Variants in CDRT4 observed in about 807,000 individuals in gnomAD.
The protein encoded by CDRT4 is CMT1A duplicated region transcript 4.
For synonymous variants in CDRT4, 64 were observed against 69.6 expected, an observed-to-expected ratio of 0.92 and a Z score of 0.40; for missense variants, 167 against 193.1, an observed-to-expected ratio of 0.87 and a Z score of 0.80.
At chr17:15,453,449 T>C (rs897019343) in intron 1 of CDRT4, among the ~76,000 whole-genome samples, 6 of 152,098 alleles carry the variant, frequency 3.9e-5, no homozygotes, top group Non-Finnish European at 8.8e-5. Context: ...CAAAAAGGGT[T>C]TTAATGTGTC....
At chr17:15,457,462 G>A (rs542251318) in intron 1 of CDRT4, among the ~76,000 whole-genome samples, 2 of 152,334 alleles carry the variant, frequency 1.3e-5, no homozygotes, top group African/African-American at 4.8e-5. Flanking sequence ...CAGAGCGGGC[G>A]CTAAACAGCC....
At chr17:15,460,866 C>T (rs1979715457) in intron 1 of CDRT4, among the ~76,000 whole-genome samples, 3 of 151,958 alleles carry the variant, frequency 2.0e-5, no homozygotes, top group Non-Finnish European at 4.4e-5. Flanking sequence ...TTCTGTCTCT[C>T]TCCCTCCCTC....
intron 1 of CDRT4, among the ~76,000 whole-genome samples, chr17:15,454,258 C>G (rs1979386916): frequency 6.6e-6 from 1 of 152,124 alleles, no homozygotes; most frequent in Non-Finnish European, 1.5e-5. Flanking sequence ...ATCTGCTCAC[C>G]AAAAGGCACT....
intron 2 of CDRT4, among the ~76,000 whole-genome samples, chr17:15,445,232 G>C (rs546707041): frequency 6.6e-6 from 1 of 152,300 alleles, no homozygotes; most frequent in Admixed American, 6.5e-5. Context: ...TCCTCAAGAT[G>C]TTAATAGGTA....
rs758635780 is a variant in CDRT4 at position 15,437,860 on chromosome 17, A to T, written c.372T>A (p.Asp124Glu). 3 of 1,614,186 alleles carry T rather than the reference A, an allele frequency of 1.9e-6. No individual in the cohort carries two copies. The East Asian group carries it at 6.7e-5, about 36-fold the overall frequency. ...MIPEPTHLHADSRDCPTENYN... is the reference protein window; with the variant it reads ...MIPEPTHLHAESRDCPTENYN... ...AGTTTTCAGTTGGACAGTCTCTGGA[A>T]TCCGCATGTAAGTGTGTGGGTTCTG... Residue 124 changes from aspartate to glutamate, a missense_variant, in exon 4 of 4, where the codon GAT (aspartate) becomes GAA (glutamate). Transcript: ENST00000619038.
chr17:15,446,940 C>T (rs560074147), intron 2 of CDRT4, among the ~76,000 whole-genome samples: 22 of 152,204 alleles, frequency 1.4e-4, no homozygotes, highest in South Asian at 2.1e-4. Context: ...TTCATGCACA[C>T]ATGCACACAT....
chr17:15,445,820 C>G (rs1978998774), intron 2 of CDRT4, among the ~76,000 whole-genome samples: 1 of 152,188 alleles, frequency 6.6e-6, no homozygotes, highest in African/African-American at 2.4e-5. Flanking sequence ...TTTTGTTTGT[C>G]TCACCTCCCA....
In CDRT4 at chr17:15,464,386, G is replaced by A. The variant is rs563520392; in HGVS notation, c.-130+3074C>T. ...AGTCAAAGGAGGAAATGATTAGCAC[G>A]GGTCCATGAGCATTACATATCACCC... is the stretch of plus-strand genomic sequence containing the variant. On this transcript the variant is annotated intron_variant, in intron 1 of 3. Transcript: ENST00000619038. This position sits in a 1 kb window ranked among gnomAD's most constrained non-coding sequence, Gnocchi z 4.5. Among the ~76,000 whole-genome samples, 3 of 152,234 alleles carry A rather than the reference G, an allele frequency of 2.0e-5. No homozygotes were observed. Among genetic ancestry groups the A allele is most frequent in the African/African-American group, 7.2e-5 (3 of 41,530 alleles).
intron 2 of CDRT4, chr17:15,452,439 T>C (rs1466394566): frequency 6.6e-6 from 1 of 152,254 alleles, no homozygotes; most frequent in Non-Finnish European, 1.5e-5. Context: ...AAAAAGTCCA[T>C]GGGACCTAAA....
chr17:15,438,394 C>T (rs948245217), intron 3 of CDRT4, among the ~76,000 whole-genome samples, 194 bp from the exon 4 acceptor site: 10 of 150,418 alleles, frequency 6.6e-5, no homozygotes, highest in East Asian at 4.0e-4. Context: ...AATTAAACAA[C>T]GAAAGAATGG....
Position 15,450,911 on chromosome 17 carries a change from A to T in CDRT4, c.-48+2093T>A, listed in dbSNP as rs182343937. Among the ~76,000 whole-genome samples, 2 of 151,948 alleles carry T rather than the reference A, an allele frequency of 1.3e-5. No individual in the cohort carries two copies. The highest frequency in any genetic ancestry group is 2.9e-5 in the Non-Finnish European group (2 of 68,000). On this transcript the variant is annotated intron_variant, in intron 2 of 3. Coordinates refer to ENST00000619038, the MANE Select transcript of CDRT4 (RefSeq NM_001204477.2). This position sits in a 1 kb window ranked among gnomAD's most constrained non-coding sequence, Gnocchi z 4.2. ...ATCTCCAGCCCATTATCCTCCCCAA[A>T]CCCAGCATGATTTAACTTCTCTACA...
At chr17:15,444,276 A>G in intron 2 of CDRT4, 1 of 519,468 alleles carries the variant, frequency 1.9e-6, no homozygotes, top group Non-Finnish European at 3.4e-6. Context: ...GCAATAAAAG[A>G]CCTATTGATT....
intron 1 of CDRT4, among the ~76,000 whole-genome samples, chr17:15,466,368 G>A (rs776967097): frequency 1.5e-4 from 23 of 152,122 alleles, no homozygotes; most frequent in Admixed American, 9.2e-4. Flanking sequence ...CACCCAGATG[G>A]GGAGAAGGGA....
chr17:15,466,496 G>A (rs976148416), intron 1 of CDRT4, among the ~76,000 whole-genome samples: 2 of 152,160 alleles, frequency 1.3e-5, no homozygotes, highest in Admixed American at 1.3e-4. Flanking sequence ...TCATTCACTG[G>A]TGTCTTTTAT....
chr17:15,442,359 G>A lies in CDRT4; in HGVS notation c.-47-2074C>T, dbSNP rs185103522. Among the ~76,000 whole-genome samples the A allele has an allele frequency of 6.9e-4, 104 of 151,792 alleles. 1 individual carries two copies. Among genetic ancestry groups the A allele is most frequent in the Admixed American group, 3.6e-3 (55 of 15,270 alleles). ...CAGGAGGCGGAGGTTGCAGTGAACC[G>A]GGATCGTGCCACTGCACTCCAGCCT... On this transcript the variant is annotated intron_variant, in intron 2 of 3. Transcript: ENST00000619038.
rs141076774 is a variant in CDRT4, at chr17:15,446,549, G to A, written c.-47-6264C>T. On this transcript the variant is annotated intron_variant, in intron 2 of 3. Coordinates refer to ENST00000619038, the MANE Select transcript of CDRT4 (RefSeq NM_001204477.2). ...TGCTGGACACGTCTTCCTCTCTAGC[G>A]CCTCTCCCCAGAAACGAACACACAC... Among the ~76,000 whole-genome samples the A allele has an allele frequency of 5.6e-3, 859 of 152,146 alleles. 5 individuals carry two copies. The highest frequency in any genetic ancestry group is 0.02 in the African/African-American group (822 of 41,484).
At chr17:15,454,505 C>A (rs991348730) in intron 1 of CDRT4, among the ~76,000 whole-genome samples, 5 of 152,200 alleles carry the variant, frequency 3.3e-5, no homozygotes, top group African/African-American at 1.2e-4. Flanking sequence ...CATGCATACA[C>A]ATACAGGCAC....
intron 3 of CDRT4, chr17:15,439,241 A>T (rs1279695201): frequency 2.2e-6 from 1 of 444,552 alleles, no homozygotes; most frequent in Non-Finnish European, 4.5e-6. Context: ...GAGTTAAAAG[A>T]GTCATCTTGC....
At chr17:15,449,545 CTCTT>C (rs1240842087) in intron 2 of CDRT4, among the ~76,000 whole-genome samples, 1 of 152,164 alleles carries the variant, frequency 6.6e-6, no homozygotes, top group Admixed American at 6.5e-5. Context: ...CCCCAAGCAA[CTCTT>C]TCTTTTTTTA....
Sources: allele counts gnomAD v4.1 joint callset (sites outside exome capture counted in the v4.1 genomes callset), GRCh38; gene constraint gnomAD v4.1.1; non-coding constraint Gnocchi (gnomAD v3.1); transcripts MANE v1.5; gene names NCBI Gene and HGNC (gene_info 2026-07-23, HGNC 2026-07-21).